Variants in PALLD observed in about 807,000 individuals in gnomAD.
PALLD encodes the protein palladin, cytoskeletal associated protein, also known as palladin.
In PALLD, 61 loss-of-function variants were observed where a neutral mutation model predicts 123.5. The ratio of observed to expected loss-of-function variants is 0.49; its 90% CI spans 0.40 to 0.61. The LOEUF (loss-of-function observed/expected upper bound fraction) is 0.61. PALLD is among the 20% of genes least tolerant of loss of function. The pLI is 0.00. For synonymous variants in PALLD, 465 were observed against 496.4 expected (o/e 0.94, Z 0.84); for missense variants, 1,273 against 1,377.0 (o/e 0.92, Z 1.20).
At chr4:168,699,477 A>G (rs1406533171) in intron 8 of PALLD, among the ~76,000 whole-genome samples, 1 of 152,034 alleles carries the variant, frequency 6.6e-6, no homozygotes, top group African/African-American at 2.4e-5. Context: ...GTGTTAGCCA[A>G]ACCATGTGGT....
At position 168,857,112 on chromosome 4, in the gene PALLD, C is replaced by T. The variant is rs558674879; in HGVS notation, c.1965-33810C>T. 1.9e-3 allele frequency among the ~76,000 whole-genome samples: 287 copies of T among 152,332 alleles called. 1 individual carries two copies. Among genetic ancestry groups the T allele is most frequent in the African/African-American group, 3.8e-3 (156 of 41,582 alleles). ...TTTTCTAGACCAGTCTTCCTTCTCTCGACAACCCTTCTCTCATGGCCATTC... is the reference window on the plus strand; with the variant it reads ...TTTTCTAGACCAGTCTTCCTTCTCTTGACAACCCTTCTCTCATGGCCATTC... On this transcript the variant is annotated intron_variant, in intron 10 of 21. Transcript: ENST00000505667.
At chr4:168,727,522 A>AGTGTCTGTTC (rs1162683673) in intron 10 of PALLD, among the ~76,000 whole-genome samples, 1 of 152,158 alleles carries the variant, frequency 6.6e-6, no homozygotes, top group Non-Finnish European at 1.5e-5. Flanking sequence ...TCTTTGGAGA[A>AGTGTCTGTTC]GTGTCTGTTC....
chr4:168,709,266 T>C lies in PALLD; in HGVS notation c.1621+119T>C, dbSNP rs550793210. The C allele has an allele frequency of 4.8e-6, 5 of 1,037,704 alleles. No individual in the cohort carries two copies. In the Admixed American group the frequency reaches 5.7e-5, roughly 12 times the overall value. The allele number at this position is 1,037,704 out of a possible 1,614,324, so 64.3% of individuals were successfully genotyped here. On this transcript the variant is annotated intron_variant, in intron 9 of 21. Coordinates refer to ENST00000505667, the MANE Select transcript of PALLD (RefSeq NM_001166108.2). ...GGCTCACACCTGTAATCCCAGCACT[T>C]TGGGAGGCCGAGGCAGGCAGATCAC...
intron 1 of PALLD, chr4:168,507,673 A>T (rs1451844609): frequency 5.2e-6 from 1 of 192,132 alleles, no homozygotes; most frequent in Non-Finnish European, 1.1e-5. Context: ...CCGGATCCAG[A>T]CTGCAATCAG....
chr4:168,705,323 A>G (rs973053943), intron 8 of PALLD, among the ~76,000 whole-genome samples: 5 of 152,232 alleles, frequency 3.3e-5, no homozygotes, highest in Non-Finnish European at 5.9e-5. Flanking sequence ...ATCTGCAGCT[A>G]TAAAATATTA....
chr4:168,911,745 T>A (rs1212972664), intron 15 of PALLD, among the ~76,000 whole-genome samples: 1 of 152,240 alleles, frequency 6.6e-6, no homozygotes, highest in East Asian at 1.9e-4. Context: ...AAGTGGCCTG[T>A]GCTTCAGGTA....
chr4:168,924,224 T>C (rs780252063), intron 18 of PALLD, 31 bp from the exon 19 acceptor site: 20 of 1,595,410 alleles, frequency 1.3e-5, no homozygotes, highest in Non-Finnish European at 1.3e-5. Flanking sequence ...TTGTATATCA[T>C]TGATAGAGAA....
At chr4:168,630,225 GA>G (rs1310338517) in intron 2 of PALLD, among the ~76,000 whole-genome samples, 8 of 152,308 alleles carry the variant, frequency 5.3e-5, no homozygotes, top group African/African-American at 1.7e-4. Flanking sequence ...GCTTCATTGT[GA>G]TGCCTTTCAG....
In PALLD at chr4:168,705,894, C is replaced by T. The variant is rs983541432; in HGVS notation, c.1502-3134C>T. On this transcript the variant is annotated intron_variant, in intron 8 of 21. Coordinates refer to ENST00000505667, the MANE Select transcript of PALLD (RefSeq NM_001166108.2). ...CTGACCTCAAGTGATCCGCCTGCCTCGGCCTCCCAAAGTGCTGGGATTACA... is the reference window on the plus strand; with the variant it reads ...CTGACCTCAAGTGATCCGCCTGCCTTGGCCTCCCAAAGTGCTGGGATTACA... Among the ~76,000 whole-genome samples the T allele has an allele frequency of 5.9e-5, 9 of 152,170 alleles. No homozygotes were observed. The South Asian group carries it at 8.3e-4, about 14-fold the overall frequency.
chr4:168,813,566 C>T (rs1029812640), intron 10 of PALLD, among the ~76,000 whole-genome samples: 3 of 152,036 alleles, frequency 2.0e-5, no homozygotes, highest in African/African-American at 7.2e-5. Flanking sequence ...CAAGCAATCC[C>T]CCCACCTCAG....
chr4:168,730,714 C>A (rs992460971), intron 10 of PALLD, among the ~76,000 whole-genome samples: 1 of 152,094 alleles, frequency 6.6e-6, no homozygotes, highest in Non-Finnish European at 1.5e-5. Flanking sequence ...ATTCAGCCAC[C>A]TTCCTTGGGA....
chr4:168,546,680 C>A (rs1052353472), intron 2 of PALLD, among the ~76,000 whole-genome samples: 8 of 152,042 alleles, frequency 5.3e-5, no homozygotes, highest in Admixed American at 5.2e-4. Context: ...TTGAGGATAC[C>A]CGCTGATACG....
rs77826881 is a variant in PALLD, at chr4:168,845,270, G to A, written c.1965-45652G>A. On this transcript the variant is annotated intron_variant, in intron 10 of 21. Coordinates refer to ENST00000505667, the MANE Select transcript of PALLD (RefSeq NM_001166108.2). ...TATTTCCTACCTGTCTATATCATTG[G>A]AGAAATTGTTCTAGGTCCTTTAAGG... 2.8e-4 allele frequency among the ~76,000 whole-genome samples: 42 copies of A among 152,296 alleles called. 1 individual carries two copies. In the East Asian group the frequency reaches 3.5e-3, roughly 13 times the overall value.
chr4:168,509,329 TCTC>T (rs1181423905), intron 1 of PALLD, among the ~76,000 whole-genome samples: 2 of 152,202 alleles, frequency 1.3e-5, no homozygotes, highest in Admixed American at 6.5e-5. Flanking sequence ...ATCTTCAGCG[TCTC>T]CTTTGAAATA....
intron 10 of PALLD, chr4:168,885,559 C>T (rs1753222803): frequency 6.6e-6 from 1 of 152,072 alleles, no homozygotes; most frequent in South Asian, 2.1e-4. Context: ...TTTTCTTATT[C>T]CCCCTCAAGT....
chr4:168,794,029 T>C (rs1305286806), intron 10 of PALLD, among the ~76,000 whole-genome samples: 1 of 152,190 alleles, frequency 6.6e-6, no homozygotes, highest in Non-Finnish European at 1.5e-5. Flanking sequence ...CCCAGCTTTC[T>C]AGGGGCTGTT....
intron 2 of PALLD, among the ~76,000 whole-genome samples, chr4:168,629,747 A>G (rs1450020154): frequency 6.6e-6 from 1 of 152,172 alleles, no homozygotes; most frequent in Non-Finnish European, 1.5e-5. Flanking sequence ...TTTGGAGCAC[A>G]AGCAAATGGG....
intron 10 of PALLD, among the ~76,000 whole-genome samples, chr4:168,720,268 G>A (rs867388376): frequency 6.6e-6 from 1 of 152,316 alleles, no homozygotes; most frequent in African/African-American, 2.4e-5. Flanking sequence ...ATTAGATTCA[G>A]TGCAACCCAA....
chr4:168,507,179 T>A (rs1762089600), intron 1 of PALLD, among the ~76,000 whole-genome samples: 1 of 152,026 alleles, frequency 6.6e-6, no homozygotes, highest in South Asian at 2.1e-4. Context: ...TAAAATAAAA[T>A]AAAAAAACTT....
Sources: gnomAD v4.1 joint callset for allele counts (sites outside exome capture counted in the v4.1 genomes callset) on GRCh38, gnomAD v4.1.1 for gene constraint, MANE v1.5 for transcripts, NCBI Gene and HGNC (gene_info 2026-07-23, HGNC 2026-07-21) for gene names.